FBXL7: variants seen among roughly 807,000 people sequenced by gnomAD.
FBXL7 encodes the protein F-box/LRR-repeat protein 7.
FBXL7 carries 12 observed loss-of-function variants against 38.3 expected under a neutral mutation model. That is an observed-to-expected ratio of 0.31 (90% CI 0.20 to 0.51). The LOEUF is 0.51. Ranked by LOEUF, FBXL7 falls within the 20% of genes least tolerant of loss-of-function variation. FBXL7 has a pLI of 0.98. For synonymous variants in FBXL7, 297 were observed against 300.9 expected, an observed-to-expected ratio of 0.99 and a Z score of 0.13; for missense variants, 567 against 676.4, an observed-to-expected ratio of 0.84 and a Z score of 1.79.
At chr5:15,787,844 A>G (rs980209176) in intron 2 of FBXL7, among the ~76,000 whole-genome samples, 1 of 152,198 alleles carries the variant, frequency 6.6e-6, no homozygotes, top group Non-Finnish European at 1.5e-5. Flanking sequence ...TCTTCATTAA[A>G]TGCATCCTGT....
At chr5:15,565,013 A>G (rs1209561541) in intron 1 of FBXL7, among the ~76,000 whole-genome samples, 2 of 152,134 alleles carry the variant, frequency 1.3e-5, no homozygotes, top group Admixed American at 6.6e-5. Context: ...AGTAAATAAA[A>G]CCAAACATTT....
At chr5:15,572,149 A>T (rs2126454182) in intron 1 of FBXL7, among the ~76,000 whole-genome samples, 1 of 152,256 alleles carries the variant, frequency 6.6e-6, no homozygotes, top group Non-Finnish European at 1.5e-5. Context: ...AAAGCCATGA[A>T]CATTTACTAT....
chr5:15,565,751 A>G (rs1463869898), intron 1 of FBXL7, among the ~76,000 whole-genome samples: 1 of 152,144 alleles, frequency 6.6e-6, no homozygotes, highest in Non-Finnish European at 1.5e-5. Flanking sequence ...GTGTGAAGGC[A>G]TGAAAGAACT....
chr5:15,789,768 T>A (rs1244746024), intron 2 of FBXL7, among the ~76,000 whole-genome samples: 1 of 152,306 alleles, frequency 6.6e-6, no homozygotes, highest in East Asian at 1.9e-4. Flanking sequence ...TGTGGCCAGC[T>A]CTGGGGCAGA....
chr5:15,895,934 G>A (rs533145388), intron 2 of FBXL7, among the ~76,000 whole-genome samples: 5 of 151,350 alleles, frequency 3.3e-5, no homozygotes, highest in Non-Finnish European at 5.9e-5. Flanking sequence ...GTGAGCCACC[G>A]GCCCGGCCCC....
chr5:15,777,890 A>G (rs990031894), intron 2 of FBXL7, among the ~76,000 whole-genome samples: 1 of 152,026 alleles, frequency 6.6e-6, no homozygotes, highest in African/African-American at 2.4e-5. Flanking sequence ...TGGAAAACAA[A>G]TCACACAGTC....
At chr5:15,795,063 G>A (rs1430249540) in intron 2 of FBXL7, among the ~76,000 whole-genome samples, 1 of 152,180 alleles carries the variant, frequency 6.6e-6, no homozygotes, top group Non-Finnish European at 1.5e-5. Flanking sequence ...CTCAGCCAGA[G>A]GCAGCCTTCT....
intron 1 of FBXL7, among the ~76,000 whole-genome samples, chr5:15,591,668 A>C (rs568559527): frequency 6.6e-6 from 1 of 151,958 alleles, no homozygotes; most frequent in East Asian, 2.0e-4. Context: ...AGATCTTGTG[A>C]TGTGAGTCTT....
intron 2 of FBXL7, among the ~76,000 whole-genome samples, chr5:15,618,219 G>GA (rs1180280862): frequency 6.6e-6 from 1 of 152,082 alleles, no homozygotes; most frequent in Non-Finnish European, 1.5e-5. Flanking sequence ...AATCAGGCGA[G>GA]AAAAATAGGA....
intron 2 of FBXL7, among the ~76,000 whole-genome samples, chr5:15,828,330 A>G (rs538657044): frequency 7.2e-5 from 11 of 152,328 alleles, no homozygotes; most frequent in Admixed American, 2.0e-4. Context: ...AGAAAATGAC[A>G]TAGTATTTCT....
chr5:15,775,151 C>A (rs996570964), intron 2 of FBXL7, among the ~76,000 whole-genome samples: 1 of 152,064 alleles, frequency 6.6e-6, no homozygotes, highest in African/African-American at 2.4e-5. Flanking sequence ...TTGAACAGTG[C>A]AAAGGATGTG....
chr5:15,722,567 G>A (rs1004265405), intron 2 of FBXL7, among the ~76,000 whole-genome samples: 1 of 152,232 alleles, frequency 6.6e-6, no homozygotes, highest in Non-Finnish European at 1.5e-5. Flanking sequence ...CCTCTTGGCC[G>A]GCTCATTTCC....
chr5:15,704,868 A>G (rs988829097), intron 2 of FBXL7, among the ~76,000 whole-genome samples: 1 of 151,880 alleles, frequency 6.6e-6, no homozygotes, highest in Non-Finnish European at 1.5e-5. Flanking sequence ...AATCCCACCT[A>G]TTCTTTTTTC....
intron 2 of FBXL7, among the ~76,000 whole-genome samples, chr5:15,858,637 A>G (rs1739343737): frequency 6.6e-6 from 1 of 152,202 alleles, no homozygotes; most frequent in Admixed American, 6.5e-5. Context: ...GTCTTCAGTA[A>G]CTTTCAGCTC....
chr5:15,914,781 G>T (rs1006169312), intron 2 of FBXL7, among the ~76,000 whole-genome samples: 5 of 152,132 alleles, frequency 3.3e-5, no homozygotes, highest in African/African-American at 4.8e-5. Context: ...TTCTCCCCTT[G>T]GTGCATTAGT....
At chr5:15,516,823 C>T (rs973609066) in intron 1 of FBXL7, among the ~76,000 whole-genome samples, 2 of 152,018 alleles carry the variant, frequency 1.3e-5, no homozygotes, top group African/African-American at 4.8e-5. Flanking sequence ...CTCCTTGCTG[C>T]TGCCATGTGA....
chr5:15,685,637 A>G (rs1218279606), intron 2 of FBXL7, among the ~76,000 whole-genome samples: 2 of 152,156 alleles, frequency 1.3e-5, no homozygotes, highest in Non-Finnish European at 2.9e-5. Context: ...GACAGGCAGA[A>G]CTGAGTTCAG....
At chr5:15,809,644 C>G (rs1400539797) in intron 2 of FBXL7, among the ~76,000 whole-genome samples, 1 of 150,712 alleles carries the variant, frequency 6.6e-6, no homozygotes, top group Non-Finnish European at 1.5e-5. Flanking sequence ...AAGCACAAAT[C>G]AATTTAAAGA....
intron 1 of FBXL7, among the ~76,000 whole-genome samples, chr5:15,545,038 C>G (rs1737861164): frequency 6.6e-6 from 1 of 152,206 alleles, no homozygotes; most frequent in Admixed American, 6.5e-5. Context: ...TCTGCACTTT[C>G]TTTACAAGTG....
Sources: gnomAD v4.1 joint callset for allele counts (sites outside exome capture counted in the v4.1 genomes callset) on GRCh38, gnomAD v4.1.1 for gene constraint, MANE v1.5 for transcripts, NCBI Gene and HGNC (gene_info 2026-07-23, HGNC 2026-07-21) for gene names.